Variants in KLHL29 observed in about 807,000 individuals in gnomAD.
The protein encoded by KLHL29 is kelch like family member 29.
In KLHL29, 21 loss-of-function variants were observed where a neutral mutation model predicts 80.4. That is an observed-to-expected ratio of 0.26 (90% confidence interval 0.19 to 0.38). The LOEUF (loss-of-function observed/expected upper bound fraction) is 0.38, where lower values mean the gene tolerates loss of function less well. Among genes scored for constraint, KLHL29 ranks in the 10% least tolerant of loss-of-function variants. KLHL29 has a pLI of 1.00. For missense variants in KLHL29, 867 were observed against 1,223.9 expected, an observed-to-expected ratio of 0.71 and a Z score of 4.35; for synonymous variants, 511 against 526.8, an observed-to-expected ratio of 0.97 and a Z score of 0.41.
chr2:23,493,639 G>T (rs1163951095), intron 2 of KLHL29, among the ~76,000 whole-genome samples: 1 of 152,082 alleles, frequency 6.6e-6, no homozygotes, highest in South Asian at 2.1e-4. Flanking sequence ...GGGCGTGTGT[G>T]TGTGAGTGTG....
intron 1 of KLHL29, among the ~76,000 whole-genome samples, chr2:23,446,633 G>T (rs1663696333): frequency 6.6e-6 from 1 of 152,212 alleles, no homozygotes; most frequent in Admixed American, 6.5e-5. Context: ...TTAGTGACAG[G>T]TCATGGCCTT....
intron 1 of KLHL29, among the ~76,000 whole-genome samples, chr2:23,413,278 G>C (rs567863070): frequency 1.3e-5 from 2 of 151,666 alleles, no homozygotes; most frequent in Non-Finnish European, 2.9e-5. Flanking sequence ...GAGTTAGCCA[G>C]ATGAGCTGAT....
At chr2:23,566,185 A>C (rs1572405117) in intron 3 of KLHL29, among the ~76,000 whole-genome samples, 1 of 152,374 alleles carries the variant, frequency 6.6e-6, no homozygotes, top group East Asian at 1.9e-4. Flanking sequence ...TTGGACAAGC[A>C]GACTCCTGGG....
intron 1 of KLHL29, among the ~76,000 whole-genome samples, chr2:23,473,307 T>C (rs1159185564): frequency 6.6e-6 from 1 of 151,878 alleles, no homozygotes; most frequent in Non-Finnish European, 1.5e-5. Context: ...CAGGTGAGCC[T>C]CCCAGGGCTC....
At chr2:23,637,431 T>G (rs1297968907) in intron 3 of KLHL29, among the ~76,000 whole-genome samples, 1 of 152,204 alleles carries the variant, frequency 6.6e-6, no homozygotes, top group Admixed American at 6.5e-5. Context: ...CAGATAGAAA[T>G]GGGGCAGGCC....
At chr2:23,542,539 A>G (rs2103484293) in intron 2 of KLHL29, among the ~76,000 whole-genome samples, 1 of 152,256 alleles carries the variant, frequency 6.6e-6, no homozygotes, top group South Asian at 2.1e-4. Context: ...TGAGTCTCCT[A>G]CTTTCTGGAG....
intron 1 of KLHL29, among the ~76,000 whole-genome samples, chr2:23,469,922 G>A (rs1283752805): frequency 6.6e-6 from 1 of 151,736 alleles, no homozygotes; most frequent in Admixed American, 6.6e-5. Context: ...AACTGGTAGA[G>A]TGAGGGTGGG....
intron 1 of KLHL29, among the ~76,000 whole-genome samples, chr2:23,471,690 A>T (rs1045241816): frequency 9.2e-5 from 14 of 152,148 alleles, no homozygotes; most frequent in African/African-American, 3.4e-4. Flanking sequence ...TTAAGACTGT[A>T]GGCTGCCGTT....
rs997886787 is a variant in KLHL29, at chr2:23,503,986, C to T, written c.-46+28319C>T. 6.6e-6 allele frequency among the ~76,000 whole-genome samples: 1 copy of T among 152,178 alleles called. No homozygotes were observed. Among genetic ancestry groups the T allele is most frequent in the African/African-American group, 2.4e-5 (1 of 41,442 alleles). On this transcript the variant is annotated intron_variant, in intron 2 of 13. Transcript: ENST00000486442. This position sits in a 1 kb window ranked among gnomAD's most constrained non-coding sequence, Gnocchi z 4.0. Reference sequence around the variant, plus strand: ...GCTGGGAACGCCACACAAAAGCACTCTCCAAGCCAGCCAGAGGTCCCTGAG... The same window carrying T: ...GCTGGGAACGCCACACAAAAGCACTTTCCAAGCCAGCCAGAGGTCCCTGAG...
At chr2:23,456,506 T>G (rs998265979) in intron 1 of KLHL29, among the ~76,000 whole-genome samples, 2 of 152,380 alleles carry the variant, frequency 1.3e-5, no homozygotes, top group African/African-American at 4.8e-5. Flanking sequence ...TCACAAAATA[T>G]CCGAGAACTA....
intron 1 of KLHL29, among the ~76,000 whole-genome samples, chr2:23,429,829 T>C (rs1663120908): frequency 6.6e-6 from 1 of 152,174 alleles, no homozygotes; most frequent in Non-Finnish European, 1.5e-5. Flanking sequence ...ATAACACCCC[T>C]TTCCCTTCCA....
chr2:23,509,734 A>G (rs543571113), intron 2 of KLHL29, among the ~76,000 whole-genome samples: 1 of 152,288 alleles, frequency 6.6e-6, no homozygotes, highest in Admixed American at 6.5e-5. Flanking sequence ...CACAAGAGAA[A>G]AATACAGCAA....
intron 2 of KLHL29, among the ~76,000 whole-genome samples, chr2:23,517,684 G>A (rs1412260780): frequency 1.3e-5 from 2 of 152,180 alleles, no homozygotes; most frequent in African/African-American, 4.8e-5. Context: ...TGGAATTCAT[G>A]TCTGGGTCTC....
chr2:23,446,942 G>T (rs1216101213), intron 1 of KLHL29, among the ~76,000 whole-genome samples: 2 of 152,244 alleles, frequency 1.3e-5, no homozygotes, highest in East Asian at 3.9e-4. Flanking sequence ...CTCCTCAAAG[G>T]AACTTTTCTT....
chr2:23,520,695 T>C (rs1395029259), intron 2 of KLHL29, among the ~76,000 whole-genome samples: 1 of 152,250 alleles, frequency 6.6e-6, no homozygotes, highest in Non-Finnish European at 1.5e-5. Flanking sequence ...AAAGAAACTT[T>C]GGTTTCACAG....
chr2:23,656,110 C>G (rs1008600828), intron 5 of KLHL29, among the ~76,000 whole-genome samples: 1 of 152,226 alleles, frequency 6.6e-6, no homozygotes, highest in South Asian at 2.1e-4. Context: ...TGTCCCTCTT[C>G]TGGACCCCAG....
chr2:23,514,161 G>T (rs140939184), intron 2 of KLHL29, among the ~76,000 whole-genome samples: 9 of 152,172 alleles, frequency 5.9e-5, no homozygotes, highest in Non-Finnish European at 8.8e-5. Flanking sequence ...GGTTTGTAAG[G>T]GGGGAGGCAT....
chr2:23,698,908 G>GACTA (rs1202863363), intron 11 of KLHL29, among the ~76,000 whole-genome samples: 1 of 152,188 alleles, frequency 6.6e-6, no homozygotes, highest in Non-Finnish European at 1.5e-5. Flanking sequence ...AAAGACTGAG[G>GACTA]ACTAACAGCC....
chr2:23,456,886 T>A lies in KLHL29; in HGVS notation c.-153-18674T>A, dbSNP rs140109207. Among the ~76,000 whole-genome samples, 696 of 152,190 alleles carry A rather than the reference T, an allele frequency of 4.6e-3. 3 individuals carry two copies. The highest frequency in any genetic ancestry group is 7.8e-3 in the Non-Finnish European group (529 of 67,992). The stretch of plus-strand genomic sequence containing the variant: ...CTTGTGCACCCAGGCTGGTTTGAAG[T>A]GTGCTGACGGGGACTTGCGGAGACA... On this transcript the variant is annotated intron_variant, in intron 1 of 13. Coordinates refer to ENST00000486442, the MANE Select transcript of KLHL29 (RefSeq NM_052920.2).
Sources: gnomAD v4.1 joint callset for allele counts (sites outside exome capture counted in the v4.1 genomes callset) on GRCh38, gnomAD v4.1.1 for gene constraint, Gnocchi (gnomAD v3.1) non-coding constraint, MANE v1.5 for transcripts, NCBI Gene and HGNC (gene_info 2026-07-23, HGNC 2026-07-21) for gene names.